TDRD5: variants seen among roughly 807,000 people sequenced by gnomAD.
TDRD5 encodes tudor domain-containing protein 5.
In TDRD5, 41 loss-of-function variants were observed where a neutral mutation model predicts 120.6. The ratio of observed to expected loss-of-function variants is 0.34; its 90% CI spans 0.26 to 0.44. The LOEUF is 0.44. Ranked by LOEUF, TDRD5 falls within the 20% of genes least tolerant of loss-of-function variation. The pLI is 1.00. For missense variants in TDRD5, 1,006 were observed against 1,221.2 expected (o/e 0.82, Z 2.63); for synonymous variants, 430 against 433.7 (o/e 0.99, Z 0.11).
At chr1:179,633,673 C>A (rs1677589737) in intron 7 of TDRD5, among the ~76,000 whole-genome samples, 2 of 151,888 alleles carry the variant, frequency 1.3e-5, no homozygotes, top group South Asian at 4.2e-4. Flanking sequence ...AATGTGCCAA[C>A]CTCTTGTAGT....
In TDRD5 at chr1:179,631,173, C is replaced by T. The variant is rs556527178; in HGVS notation, c.1126+253C>T. Among the ~76,000 whole-genome samples the T allele has an allele frequency of 1.4e-4, 22 of 152,216 alleles. No individual in the cohort carries two copies. In the East Asian group the frequency reaches 3.7e-3, roughly 25 times the overall value. On this transcript the variant is annotated intron_variant, in intron 7 of 17. Transcript: ENST00000444136. ...TTGGGAGGCCGAGGTGGGCGGATCA[C>T]GAGGTCAGGCGATTGAGACCATCCT...
intron 3 of TDRD5, 150 bp downstream of exon 3, chr1:179,594,017 GT>G (rs11352554): frequency 0.061 from 61,587 of 1,012,846 alleles, 2,485 homozygotes; most frequent in African/African-American, 0.14. Flanking sequence ...TTAAGCCTTA[GT>G]TTTCCTCATC....
intron 11 of TDRD5, 72 bp downstream of exon 11, chr1:179,640,517 T>C: frequency 2.1e-6 from 3 of 1,440,000 alleles, no homozygotes; most frequent in Non-Finnish European, 2.9e-6. Context: ...CAGTTTCACA[T>C]GCTCAGGATA....
intron 16 of TDRD5, among the ~76,000 whole-genome samples, chr1:179,666,149 G>A (rs909375275): frequency 3.9e-5 from 6 of 152,072 alleles, no homozygotes; most frequent in Admixed American, 6.6e-5. Flanking sequence ...TGAAAGTTAC[G>A]GAAATAAGAT....
At chr1:179,681,883 T>C (rs1258404851) in intron 17 of TDRD5, among the ~76,000 whole-genome samples, 3 of 141,066 alleles carry the variant, frequency 2.1e-5, no homozygotes, top group African/African-American at 8.0e-5. Flanking sequence ...TCTACTACTA[T>C]GTCTCCAAGT....
chr1:179,682,990 G>T (rs1680510672), intron 17 of TDRD5, among the ~76,000 whole-genome samples: 1 of 151,278 alleles, frequency 6.6e-6, no homozygotes, highest in South Asian at 2.1e-4. Flanking sequence ...AAGATTCAAG[G>T]AGACCTCTCA....
rs746659054 is a variant in TDRD5 at position 179,669,246 on chromosome 1, A to G, written c.2702A>G (p.Glu901Gly). 1 of 1,614,182 alleles carries G rather than the reference A, an allele frequency of 6.2e-7. No homozygotes were observed. Among genetic ancestry groups the G allele is most frequent in the Non-Finnish European group, 8.5e-7 (1 of 1,180,042 alleles). Residue 901 changes from glutamate to glycine, a missense_variant, in exon 17 of 18, where the codon GAA becomes GGA. Glu to Gly is a moderately conservative substitution (Grantham distance 98). Transcript: ENST00000444136. The part of the protein sequence containing the change: ...SDSSTLPKLE[E>G]FCTSLTQSEQ... ...TCTTCCACACTGCCCAAATTGGAAG[A>G]ATTCTGTACCTCTCTTACCCAGTCA...
chr1:179,605,958 G>A (rs1421976461), intron 4 of TDRD5, among the ~76,000 whole-genome samples: 1 of 152,012 alleles, frequency 6.6e-6, no homozygotes, highest in Non-Finnish European at 1.5e-5. Flanking sequence ...TAAATACTAA[G>A]GAGTACAGTT....
At chr1:179,642,476 G>A (rs1678103978) in intron 11 of TDRD5, among the ~76,000 whole-genome samples, 1 of 152,174 alleles carries the variant, frequency 6.6e-6, no homozygotes, top group Non-Finnish European at 1.5e-5. Context: ...CTTATTCACA[G>A]TAATCTCACG....
intron 11 of TDRD5, among the ~76,000 whole-genome samples, chr1:179,648,508 T>C (rs1256626203): frequency 7.2e-6 from 1 of 138,964 alleles, no homozygotes; most frequent in African/African-American, 2.6e-5. Flanking sequence ...GACGAGTTAG[T>C]GGATGCGGCG....
At chr1:179,595,036 T>G (rs10913824) in intron 3 of TDRD5, among the ~76,000 whole-genome samples, 12,957 of 152,128 alleles carry the variant, frequency 0.085, 709 homozygotes, top group African/African-American at 0.14. Context: ...AAGTCAACTG[T>G]TGTTTTTTTG....
intron 6 of TDRD5, among the ~76,000 whole-genome samples, chr1:179,627,624 A>C (rs1677200726): frequency 6.6e-6 from 1 of 152,174 alleles, no homozygotes; most frequent in African/African-American, 2.4e-5. Flanking sequence ...GCTATTAAAA[A>C]CTAGGTTCAC....
chr1:179,596,336 T>C (rs900392183), intron 4 of TDRD5, among the ~76,000 whole-genome samples: 7 of 152,230 alleles, frequency 4.6e-5, no homozygotes, highest in African/African-American at 1.7e-4. Flanking sequence ...AAAATTAGCT[T>C]TAGTAACATA....
At chr1:179,630,175 T>C (rs1190489411) in intron 6 of TDRD5, among the ~76,000 whole-genome samples, 1 of 152,034 alleles carries the variant, frequency 6.6e-6, no homozygotes, top group East Asian at 1.9e-4. Context: ...TTTTTTGTAT[T>C]GTTAGTAGAG....
chr1:179,635,945 A>G (rs1677744930), intron 9 of TDRD5, 58 bp downstream of exon 9: 1 of 1,513,346 alleles, frequency 6.6e-7, no homozygotes, highest in Non-Finnish European at 8.9e-7. Context: ...AACAGTTCTC[A>G]AACATTTCGG....
At chr1:179,660,669 A>G (rs967616476) in intron 14 of TDRD5, among the ~76,000 whole-genome samples, 3 of 152,130 alleles carry the variant, frequency 2.0e-5, no homozygotes, top group African/African-American at 7.2e-5. Context: ...CTTGTCTTAT[A>G]TATTACACCT....
intron 16 of TDRD5, among the ~76,000 whole-genome samples, chr1:179,664,461 T>C (rs955975544): frequency 1.3e-5 from 2 of 152,170 alleles, no homozygotes; most frequent in South Asian, 2.1e-4. Flanking sequence ...CCATTAGCAG[T>C]CATACTCCTT....
intron 4 of TDRD5, among the ~76,000 whole-genome samples, chr1:179,618,370 T>A (rs10913834): frequency 0.09 from 13,698 of 152,266 alleles, 682 homozygotes; most frequent in Middle Eastern, 0.12. Flanking sequence ...AGAGAATGTT[T>A]GTTAGCCTAG....
chr1:179,648,599 A>AT (rs1196902996), intron 11 of TDRD5, among the ~76,000 whole-genome samples: 3 of 132,230 alleles, frequency 2.3e-5, no homozygotes, highest in Admixed American at 7.2e-5. Context: ...TATAATAATA[A>AT]AAAAAAAAAG....
Sources: allele counts gnomAD v4.1 joint callset (sites outside exome capture counted in the v4.1 genomes callset), GRCh38; gene constraint gnomAD v4.1.1; transcripts MANE v1.5; gene names NCBI Gene and HGNC (gene_info 2026-07-23, HGNC 2026-07-21).